Variants in MRPS23 observed in about 807,000 individuals in gnomAD.
MRPS23 encodes small ribosomal subunit protein mS23.
MRPS23 carries 14 observed loss-of-function variants against 19.8 expected under a neutral mutation model. The observed-to-expected ratio is 0.71, with a 90% confidence interval of 0.47 to 1.11. The LOEUF (loss-of-function observed/expected upper bound fraction) is 1.11. Ranked by LOEUF, MRPS23 falls within the 50% of genes least tolerant of loss-of-function variation. The pLI is 0.00. For synonymous variants in MRPS23, 113 were observed against 89.7 expected (o/e 1.26, Z -1.47); for missense variants, 242 against 236.7 (o/e 1.02, Z -0.15).
chr17:57,837,599 G>A lies in MRPS23; in HGVS notation c.*2184C>T, dbSNP rs1270604913. ...GCTGGGGAACAGGGGTGGGAGACTA[G>A]CTTTTTACTGTTAAGTTTTGAACCA... On this transcript the variant is annotated 3_prime_UTR_variant, in exon 5 of 5. Transcript: ENST00000313608. The A allele has an allele frequency of 6.6e-6, 1 of 152,166 alleles. No individual in the cohort carries two copies. The highest frequency in any genetic ancestry group is 2.4e-5 in the African/African-American group (1 of 41,438). 9.4% of individuals were successfully genotyped at this position (152,166 alleles called of 1,614,324 possible). A position where few individuals can be genotyped will look rare whatever the true frequency, so the allele number is the denominator to read the frequency against.
At chr17:57,841,928 C>G (rs1268978726) in intron 2 of MRPS23, among the ~76,000 whole-genome samples, 3 of 152,158 alleles carry the variant, frequency 2.0e-5, no homozygotes, top group East Asian at 1.9e-4. Context: ...ACCTGGGCAA[C>G]AGAATGAGAC....
In MRPS23 at chr17:57,840,998, CT is replaced by C. The variant is rs1568015125; in HGVS notation, c.347del (p.Lys116SerfsTer17). 3.1e-6 allele frequency: 5 copies of C among 1,614,192 alleles called. No homozygotes were observed. The highest frequency in any genetic ancestry group is 4.2e-6 in the Non-Finnish European group (5 of 1,180,030). Reference protein sequence around the residue: ...LQKLGETDEEKLFVETGKALL... With the variant: ...LQKLGETDEEXLFVETGKALL... ...AAGCCTTCCCTGTTTCCACAAATAACTTCTCTTCATCTGTTTCTCCAAGTTT... is the reference window on the plus strand; with the variant it reads ...AAGCCTTCCCTGTTTCCACAAATAACTCTCTTCATCTGTTTCTCCAAGTTT... On this transcript the variant is annotated frameshift_variant, in exon 4 of 5. Transcript: ENST00000313608. LOFTEE classifies it high-confidence loss of function.
At chr17:57,841,281 A>G in intron 2 of MRPS23, 21 bp from the exon 3 acceptor site, 1 of 1,603,700 alleles carries the variant, frequency 6.2e-7, no homozygotes, top group Non-Finnish European at 8.5e-7. Flanking sequence ...CAAACAACAT[A>G]ATATAAATCT....
At chr17:57,845,937 T>C (rs1212043473) in intron 2 of MRPS23, among the ~76,000 whole-genome samples, 1 of 152,218 alleles carries the variant, frequency 6.6e-6, no homozygotes, top group African/African-American at 2.4e-5. Flanking sequence ...TGAATGTTTG[T>C]TATTGAATAA....
chr17:57,848,389 T>G (rs1393490948), intron 2 of MRPS23, among the ~76,000 whole-genome samples: 1 of 151,976 alleles, frequency 6.6e-6, no homozygotes, highest in Non-Finnish European at 1.5e-5. Flanking sequence ...TTCCTTCAAA[T>G]TCCTAGTGAT....
At chr17:57,847,026 G>A (rs1420607567) in intron 2 of MRPS23, among the ~76,000 whole-genome samples, 8 of 152,130 alleles carry the variant, frequency 5.3e-5, no homozygotes, top group Admixed American at 2.0e-4. Flanking sequence ...GGCCGGGCAC[G>A]GTGGCTCACA....
intron 2 of MRPS23, among the ~76,000 whole-genome samples, chr17:57,846,818 C>T (rs1020388817): frequency 6.6e-6 from 1 of 151,918 alleles, no homozygotes. Context: ...ACCAGACACC[C>T]TTGTTCACAT....
intron 2 of MRPS23, among the ~76,000 whole-genome samples, chr17:57,846,789 G>A (rs1028779163): frequency 2.0e-5 from 3 of 152,022 alleles, no homozygotes; most frequent in African/African-American, 7.2e-5. Context: ...GAAGAACGCA[G>A]GGACCTCTGC....
chr17:57,845,465 G>C (rs1370188142), intron 2 of MRPS23, among the ~76,000 whole-genome samples: 3 of 152,086 alleles, frequency 2.0e-5, no homozygotes, highest in Non-Finnish European at 4.4e-5. Context: ...GTGTATCAAA[G>C]TCAATTAGGC....
chr17:57,849,387 C>A lies in MRPS23; in HGVS notation c.68G>T (p.Gly23Val). ...CCACAGGGGCTTCTCCTTCAGCACC[C>A]CGGCCCGAACCAGGTCCCGAGTCCT... is the stretch of plus-strand genomic sequence containing the variant. ...FSRTRDLVRA[G>V]VLKEKPLWFD... The change falls in exon 2 of 5, where the codon GGG becomes GTG. Residue 23 changes from glycine to valine, a missense_variant. By Grantham distance (109) the Gly-to-Val change is moderately radical. Transcript: ENST00000313608. 6.2e-7 allele frequency: 1 copy of A among 1,614,036 alleles called. No homozygotes were observed. Among genetic ancestry groups the A allele is most frequent in the South Asian group, 1.1e-5 (1 of 91,072 alleles).
intron 2 of MRPS23, among the ~76,000 whole-genome samples, chr17:57,841,878 C>A (rs181679860): frequency 1.6e-4 from 25 of 152,330 alleles, no homozygotes; most frequent in Admixed American, 5.9e-4. Context: ...ACCCAGGAGG[C>A]AGAGGTTGCA....
At chr17:57,849,448 G>C (rs570662012) in intron 1 of MRPS23, 38 bp from the exon 2 acceptor site, 1 of 1,604,418 alleles carries the variant, frequency 6.2e-7, no homozygotes, top group East Asian at 2.2e-5. Context: ...GTCACTTGCA[G>C]TAGCCTGCCA....
At chr17:57,846,825 A>G (rs948789714) in intron 2 of MRPS23, among the ~76,000 whole-genome samples, 2 of 152,102 alleles carry the variant, frequency 1.3e-5, no homozygotes, top group Non-Finnish European at 2.9e-5. Context: ...ACCCTTGTTC[A>G]CATGTTTATC....
rs1396534628 is a variant in MRPS23, at chr17:57,841,212, G to A, written c.264C>T (p.Phe88=). 1 of 1,614,042 alleles carries A rather than the reference G, an allele frequency of 6.2e-7. No individual in the cohort carries two copies. ...YGSGQRAFDL[F]NPNFKSTCQR... The stretch of plus-strand genomic sequence containing the variant: ...GACAGGTAGACTTGAAGTTTGGATT[G>A]AATAGATCAAAAGCTCTTTGACCAG... The change falls in exon 3 of 5, where the codon TTC becomes TTT. Residue 88 remains phenylalanine (F), a synonymous_variant. Coordinates refer to ENST00000313608, the MANE Select transcript of MRPS23 (RefSeq NM_016070.4).
At chr17:57,846,206 G>T (rs1318946178) in intron 2 of MRPS23, among the ~76,000 whole-genome samples, 29 of 151,118 alleles carry the variant, frequency 1.9e-4, no homozygotes, top group Non-Finnish European at 3.0e-5. Flanking sequence ...GGAGGGAGGT[G>T]GGGGGCAGCC....
chr17:57,849,515 AAC>A, intron 1 of MRPS23, 105 bp from the exon 2 acceptor site: 1 of 1,364,676 alleles, frequency 7.3e-7, no homozygotes, highest in Non-Finnish European at 9.9e-7. Context: ...TGCGGTCTGC[AAC>A]ACAGAACGGG....
intron 2 of MRPS23, among the ~76,000 whole-genome samples, chr17:57,845,683 T>G (rs2073768432): frequency 6.6e-6 from 1 of 152,192 alleles, no homozygotes; most frequent in Admixed American, 6.5e-5. Flanking sequence ...CTGAAATTGT[T>G]TCAGAAAACT....
chr17:57,842,234 G>A lies in MRPS23; in HGVS notation c.216-974C>T, dbSNP rs536954921. Among the ~76,000 whole-genome samples the A allele has an allele frequency of 1.7e-4, 26 of 152,254 alleles. No homozygotes were observed. In the East Asian group the frequency reaches 4.6e-3, roughly 27 times the overall value. On this transcript the variant is annotated intron_variant, in intron 2 of 4. Transcript: ENST00000313608. ...TCACTATGTTGCCCAGGCTGGTCTT[G>A]AACTGCTAGCCTCAAGAGATCCTCC...
rs1156689058 is a variant in MRPS23 at position 57,838,142 on chromosome 17, T to TTTTGTATTAC, written c.*1640_*1641insGTAATACAAA. ...CCGTTTCTACTAAAAATACAAAAAT[T>TTTTGTATTAC]AGCCGGGCGTCATAGCATACACCTG... On this transcript the variant is annotated 3_prime_UTR_variant, in exon 5 of 5. Transcript: ENST00000313608. 1 of 150,884 alleles carries TTTTGTATTAC rather than the reference T, an allele frequency of 6.6e-6. No individual in the cohort carries two copies. Among genetic ancestry groups the TTTTGTATTAC allele is most frequent in the East Asian group, 1.9e-4 (1 of 5,160 alleles). 9.3% of individuals were successfully genotyped at this position (150,884 alleles called of 1,614,324 possible). A position where few individuals can be genotyped will look rare whatever the true frequency, so the allele number is the denominator to read the frequency against.
Sources: allele counts gnomAD v4.1 joint callset (sites outside exome capture counted in the v4.1 genomes callset), GRCh38; gene constraint gnomAD v4.1.1; transcripts MANE v1.5; gene names NCBI Gene and HGNC (gene_info 2026-07-23, HGNC 2026-07-21).